JAZF1: variants seen among roughly 807,000 people sequenced by gnomAD.
The protein encoded by JAZF1 is juxtaposed with another zinc finger protein 1.
JAZF1 carries 8 observed loss-of-function variants against 26.4 expected under a neutral mutation model. The observed-to-expected ratio is 0.30, with a 90% CI of 0.18 to 0.55. JAZF1 has a LOEUF of 0.55. Ranked by LOEUF, JAZF1 falls within the 20% of genes least tolerant of loss-of-function variation. The pLI is 0.94. For synonymous variants in JAZF1, 126 were observed against 122.3 expected (o/e 1.03, Z -0.20); for missense variants, 199 against 322.0 (o/e 0.62, Z 2.92).
intron 1 of JAZF1, among the ~76,000 whole-genome samples, chr7:28,037,595 G>A (rs544278813): frequency 1.2e-3 from 184 of 152,240 alleles, no homozygotes; most frequent in African/African-American, 4.2e-3. Flanking sequence ...CTTTTTCCTC[G>A]TGTGAAAGAA....
At chr7:27,999,989 G>C (rs544202926) in intron 1 of JAZF1, among the ~76,000 whole-genome samples, 1 of 152,304 alleles carries the variant, frequency 6.6e-6, no homozygotes, top group Admixed American at 6.5e-5. Context: ...ATCTGGGCAG[G>C]CTTTACTGAT....
intron 1 of JAZF1, among the ~76,000 whole-genome samples, chr7:28,105,633 T>C (rs1437135924): frequency 6.6e-6 from 1 of 152,172 alleles, no homozygotes; most frequent in Non-Finnish European, 1.5e-5. Context: ...AATACCCTAA[T>C]ATCAAAGTGG....
chr7:28,061,271 A>ATGC (rs1273640744), intron 1 of JAZF1, among the ~76,000 whole-genome samples: 4 of 152,250 alleles, frequency 2.6e-5, no homozygotes, highest in Admixed American at 6.5e-5. Context: ...TACAATGCAG[A>ATGC]TGCTGCTTTC....
chr7:28,110,604 AAAAGGAAAGGAAAAGGAAAGG>A (rs1392186270), intron 1 of JAZF1, among the ~76,000 whole-genome samples: 1 of 109,180 alleles, frequency 9.2e-6, no homozygotes, highest in Non-Finnish European at 1.8e-5. Context: ...AAGGAAAAGG[AAAAGGAAAGGAAAAGGAAAGG>A]AAAGGAAAGG....
At chr7:28,171,263 T>C (rs1423869854) in intron 1 of JAZF1, among the ~76,000 whole-genome samples, 1 of 152,202 alleles carries the variant, frequency 6.6e-6, no homozygotes, top group African/African-American at 2.4e-5. Context: ...ATATAAACCA[T>C]ACTGGACTAA....
chr7:28,174,428 G>A (rs984747816), intron 1 of JAZF1, among the ~76,000 whole-genome samples: 2 of 152,224 alleles, frequency 1.3e-5, no homozygotes, highest in Non-Finnish European at 2.9e-5. Context: ...TATCCTCACT[G>A]TCACCTACGG....
Position 27,987,023 on chromosome 7 carries a change from C to T in JAZF1, c.188+4886G>A, listed in dbSNP as rs1294054322. The stretch of plus-strand genomic sequence containing the variant: ...CTCGCTACAACCTCCACCTCCCAGC[C>T]GCCTGCCTTGGCCTCCCAAAGTGCT... On this transcript the variant is annotated intron_variant, in intron 2 of 4. Transcript: ENST00000283928. Among the ~76,000 whole-genome samples, 23 of 152,238 alleles carry T rather than the reference C, an allele frequency of 1.5e-4. 1 individual carries two copies. The highest frequency in any genetic ancestry group is 1.4e-3 in the East Asian group (7 of 5,132).
At chr7:28,113,544 C>T (rs1489942334) in intron 1 of JAZF1, among the ~76,000 whole-genome samples, 3 of 152,180 alleles carry the variant, frequency 2.0e-5, no homozygotes, top group East Asian at 1.9e-4. Flanking sequence ...GTATTCATAT[C>T]GGAGCTATAA....
chr7:28,177,674 A>T (rs974322280), intron 1 of JAZF1, among the ~76,000 whole-genome samples: 2 of 152,218 alleles, frequency 1.3e-5, no homozygotes, highest in African/African-American at 2.4e-5. Context: ...TCTTTTCATG[A>T]ATCTTTTTAA....
intron 3 of JAZF1, among the ~76,000 whole-genome samples, chr7:27,849,772 C>CACACACACACACATAT (rs140580370): frequency 1.4e-4 from 20 of 147,116 alleles, no homozygotes; most frequent in African/African-American, 4.9e-4. Flanking sequence ...CACACACACA[C>CACACACACACACATAT]ACCCCTACAC....
At position 27,830,958 on chromosome 7, in the gene JAZF1, A is replaced by G. The variant is rs1386869411; in HGVS notation, c.*1842T>C. The G allele has an allele frequency of 4.6e-6, 1 of 218,442 alleles. No individual in the cohort carries two copies. Among genetic ancestry groups the G allele is most frequent in the African/African-American group, 2.2e-5 (1 of 44,516 alleles). 13.5% of individuals were successfully genotyped at this position (218,442 alleles called of 1,614,324 possible). A position where few individuals can be genotyped will look rare whatever the true frequency, so the allele number is the denominator to read the frequency against. ...ACTGATCCAGCCTGCAGTTTCTTGC[A>G]CTAGAAAGAGCGAAGCTAAATAATA... On this transcript the variant is annotated 3_prime_UTR_variant, in exon 5 of 5. Transcript: ENST00000283928.
At chr7:27,848,000 C>T (rs1209627358) in intron 3 of JAZF1, among the ~76,000 whole-genome samples, 1 of 152,120 alleles carries the variant, frequency 6.6e-6, no homozygotes, top group Non-Finnish European at 1.5e-5. Context: ...ACTGTGATGC[C>T]TCCAACTTTA....
rs1783625781 is a variant in JAZF1 at position 28,180,414 on chromosome 7, C to A, written c.115+49G>T. The A allele has an allele frequency of 4.1e-6, 6 of 1,449,968 alleles. No individual in the cohort carries two copies. The African/African-American group carries it at 4.3e-5, about 10-fold the overall frequency. 89.8% of individuals were successfully genotyped at this position (1,449,968 alleles called of 1,614,324 possible). A position where few individuals can be genotyped will look rare whatever the true frequency, so the allele number is the denominator to read the frequency against. The stretch of plus-strand genomic sequence containing the variant: ...GCCATTCCGGGGCTCCCCGCCCGGG[C>A]AGGAGTTTCCGCGCGCCTGGCACCC... On this transcript the variant is annotated intron_variant, in intron 1 of 4. Coordinates refer to ENST00000283928, the MANE Select transcript of JAZF1 (RefSeq NM_175061.4).
chr7:28,167,220 T>A (rs965447956), intron 1 of JAZF1, among the ~76,000 whole-genome samples: 8 of 152,080 alleles, frequency 5.3e-5, no homozygotes, highest in African/African-American at 1.9e-4. Flanking sequence ...GATTCCAGGG[T>A]CATGCATAAC....
chr7:28,093,600 A>G (rs1370134677), intron 1 of JAZF1, among the ~76,000 whole-genome samples: 1 of 152,174 alleles, frequency 6.6e-6, no homozygotes, highest in Admixed American at 6.5e-5. Context: ...GTTCCTTTCA[A>G]TTTACTAAAA....
intron 3 of JAZF1, among the ~76,000 whole-genome samples, chr7:27,892,092 G>T (rs1783983866): frequency 6.6e-6 from 1 of 152,206 alleles, no homozygotes. Context: ...CAATGAAAGT[G>T]ACTGAAACCA....
At chr7:28,160,078 G>T (rs950539759) in intron 1 of JAZF1, among the ~76,000 whole-genome samples, 1 of 152,058 alleles carries the variant, frequency 6.6e-6, no homozygotes. Context: ...GGTTCTGGGT[G>T]GGGTACGGAA....
At chr7:28,029,571 G>C (rs1003731134) in intron 1 of JAZF1, among the ~76,000 whole-genome samples, 1 of 152,184 alleles carries the variant, frequency 6.6e-6, no homozygotes, top group Non-Finnish European at 1.5e-5. Context: ...TACCTATGTA[G>C]AGAATGAAAG....
At chr7:27,870,912 C>T (rs975728850) in intron 3 of JAZF1, among the ~76,000 whole-genome samples, 3 of 152,094 alleles carry the variant, frequency 2.0e-5, no homozygotes, top group Middle Eastern at 3.2e-3. Context: ...ACATGAGGTT[C>T]GAATAGGGAG....
Sources: gnomAD v4.1 joint callset for allele counts (sites outside exome capture counted in the v4.1 genomes callset) on GRCh38, gnomAD v4.1.1 for gene constraint, MANE v1.5 for transcripts, NCBI Gene and HGNC (gene_info 2026-07-23, HGNC 2026-07-21) for gene names.